The following ENAH variants were observed in gnomAD, a reference collection of about 807,000 sequenced individuals.
ENAH encodes the protein protein enabled homolog.
Under a neutral mutation model 78.7 loss-of-function variants are expected in ENAH, and 23 were observed. That is an observed-to-expected ratio of 0.29 (90% CI 0.21 to 0.41). ENAH has a LOEUF of 0.41. Ranked by LOEUF, ENAH falls within the 10% of genes least tolerant of loss-of-function variation. The probability of loss-of-function intolerance (pLI) is 1.00; values close to 1 mark genes in which losing one functional copy is unlikely to be tolerated. For synonymous variants in ENAH, 226 were observed against 241.0 expected (o/e 0.94, Z 0.58); for missense variants, 544 against 691.0 (o/e 0.79, Z 2.39).
intron 1 of ENAH, among the ~76,000 whole-genome samples, chr1:225,634,490 T>C (rs1659702225): frequency 6.6e-6 from 1 of 152,302 alleles, no homozygotes; most frequent in South Asian, 2.1e-4. Flanking sequence ...CTAGGGATAC[T>C]GCTGAACATC....
chr1:225,638,975 T>C (rs1051508143), intron 1 of ENAH, among the ~76,000 whole-genome samples: 4 of 152,138 alleles, frequency 2.6e-5, no homozygotes, highest in African/African-American at 9.7e-5. Context: ...TAAACATCCC[T>C]CCCAAAGCAG....
intron 1 of ENAH, among the ~76,000 whole-genome samples, chr1:225,630,064 A>G (rs560556486): frequency 3.4e-4 from 52 of 152,334 alleles, no homozygotes; most frequent in African/African-American, 1.2e-3. Context: ...CATAATATGT[A>G]TAATTTCATA....
chr1:225,546,752 T>C (rs1433944439), intron 3 of ENAH, among the ~76,000 whole-genome samples: 1 of 152,190 alleles, frequency 6.6e-6, no homozygotes, highest in Non-Finnish European at 1.5e-5. Flanking sequence ...TTAACCCCCT[T>C]GAACTCAATA....
At chr1:225,621,061 C>T (rs1415088128) in intron 1 of ENAH, among the ~76,000 whole-genome samples, 1 of 152,092 alleles carries the variant, frequency 6.6e-6, no homozygotes, top group African/African-American at 2.4e-5. Flanking sequence ...AGCCTCCTTC[C>T]TTATGGTGAT....
At chr1:225,545,622 TTAAATAA>T (rs2096609261) in intron 3 of ENAH, among the ~76,000 whole-genome samples, 1 of 152,202 alleles carries the variant, frequency 6.6e-6, no homozygotes, top group African/African-American at 2.4e-5. Context: ...ACACTAAATA[TTAAATAA>T]TAATCCAGAC....
chr1:225,604,400 T>C (rs1302909726), intron 1 of ENAH, among the ~76,000 whole-genome samples: 1 of 151,836 alleles, frequency 6.6e-6, no homozygotes, highest in East Asian at 1.9e-4. Flanking sequence ...GGTAAATAAA[T>C]AGGTGGGAAA....
intron 3 of ENAH, among the ~76,000 whole-genome samples, chr1:225,540,856 GATACATAA>G (rs2151323573): frequency 6.6e-6 from 1 of 152,186 alleles, no homozygotes; most frequent in African/African-American, 2.4e-5. Context: ...AGCATGCCTA[GATACATAA>G]ATACATGTTT....
intron 1 of ENAH, among the ~76,000 whole-genome samples, chr1:225,637,547 C>A (rs1056219021): frequency 2.0e-5 from 3 of 151,914 alleles, no homozygotes; most frequent in Non-Finnish European, 4.4e-5. Flanking sequence ...GCTGACCACA[C>A]GGGAACCACA....
chr1:225,560,848 C>T (rs2096699953), intron 2 of ENAH, among the ~76,000 whole-genome samples: 1 of 152,186 alleles, frequency 6.6e-6, no homozygotes, highest in Non-Finnish European at 1.5e-5. Flanking sequence ...TTTACTTTTT[C>T]AATTGTTCAT....
At chr1:225,627,018 G>A (rs1658074363) in intron 1 of ENAH, among the ~76,000 whole-genome samples, 1 of 152,176 alleles carries the variant, frequency 6.6e-6, no homozygotes, top group South Asian at 2.1e-4. Flanking sequence ...GAGAATTTTT[G>A]TTCTCAGTCA....
At chr1:225,578,739 A>G (rs376373949) in intron 1 of ENAH, among the ~76,000 whole-genome samples, 2 of 150,228 alleles carry the variant, frequency 1.3e-5, no homozygotes, top group South Asian at 4.1e-4. Context: ...TAAATATTTC[A>G]GAGTATTGTT....
At chr1:225,632,755 T>G (rs965621734) in intron 1 of ENAH, among the ~76,000 whole-genome samples, 17 of 152,244 alleles carry the variant, frequency 1.1e-4, no homozygotes, top group African/African-American at 3.6e-4. Context: ...GTTCAACTAT[T>G]CTTTAAAGGA....
intron 6 of ENAH, among the ~76,000 whole-genome samples, chr1:225,515,956 T>C (rs966509622): frequency 6.6e-6 from 1 of 152,212 alleles, no homozygotes; most frequent in African/African-American, 2.4e-5. Context: ...TTTAAGCAAA[T>C]TTGTAAGTCA....
At position 225,583,433 on chromosome 1, in the gene ENAH, CAAAAA is replaced by C. The variant is rs67324652; in HGVS notation, c.6-16024_6-16020del. Among the ~76,000 whole-genome samples the C allele has an allele frequency of 1.1e-4, 11 of 100,548 alleles. No individual in the cohort carries two copies. The East Asian group carries it at 2.6e-3, about 24-fold the overall frequency. 66.0% of individuals were successfully genotyped at this position (100,548 alleles called of 152,430 possible). A position where few individuals can be genotyped will look rare whatever the true frequency, so the allele number is the denominator to read the frequency against. Reference sequence around the variant, plus strand: ...TGGGCGACAGAGGAAGACCCTGTATCAAAAAAAAAAAAAAAAAAAAGAGAGAGAGA... The same window carrying C: ...TGGGCGACAGAGGAAGACCCTGTATCAAAAAAAAAAAAAAAGAGAGAGAGA... On this transcript the variant is annotated intron_variant, in intron 1 of 13. Transcript: ENST00000366843.
chr1:225,653,348 G>A (rs1318514139), upstream of ENAH, among the ~76,000 whole-genome samples: 1 of 151,694 alleles, frequency 6.6e-6, no homozygotes, highest in African/African-American at 2.4e-5. The surrounding 1 kb of genome is among the most constrained non-coding windows in gnomAD (Gnocchi z 4.3). Context: ...GGCGGCGGCG[G>A]AGAGAGGCTC....
chr1:225,643,969 G>T (rs1363483318), intron 1 of ENAH, among the ~76,000 whole-genome samples: 1 of 151,830 alleles, frequency 6.6e-6, no homozygotes, highest in Non-Finnish European at 1.5e-5. Flanking sequence ...AAAAAGTATA[G>T]ATATTATATA....
intron 1 of ENAH, among the ~76,000 whole-genome samples, chr1:225,586,397 T>G (rs2096847145): frequency 6.6e-6 from 1 of 152,030 alleles, no homozygotes; most frequent in Non-Finnish European, 1.5e-5. Context: ...ATGGTTTCAC[T>G]AGTGAATTGT....
intron 1 of ENAH, among the ~76,000 whole-genome samples, chr1:225,635,426 G>C (rs1008403379): frequency 6.6e-6 from 1 of 152,180 alleles, no homozygotes; most frequent in African/African-American, 2.4e-5. Flanking sequence ...CTTGTACCCT[G>C]CAACTTTGCT....
chr1:225,623,792 T>A (rs142696912), intron 1 of ENAH, among the ~76,000 whole-genome samples: 6,563 of 152,192 alleles, frequency 0.043, 222 homozygotes, highest in South Asian at 0.1. Context: ...GGTTTCACTG[T>A]GTTAGCCAGG....
Sources: gnomAD v4.1 joint callset for allele counts (sites outside exome capture counted in the v4.1 genomes callset) on GRCh38, gnomAD v4.1.1 for gene constraint, Gnocchi (gnomAD v3.1) non-coding constraint, MANE v1.5 for transcripts, NCBI Gene and HGNC (gene_info 2026-07-23, HGNC 2026-07-21) for gene names.